GRIP1: variants seen among roughly 807,000 people sequenced by gnomAD.
GRIP1 encodes glutamate receptor-interacting protein 1.
Under a neutral mutation model 129.9 loss-of-function variants are expected in GRIP1, and 45 were observed. The observed-to-expected ratio is 0.35, with a 90% CI of 0.27 to 0.44. The LOEUF (loss-of-function observed/expected upper bound fraction) is 0.44, where lower values mean the gene tolerates loss of function less well. GRIP1 is among the 20% of genes least tolerant of loss of function. The pLI is 1.00. For missense variants in GRIP1, 1,196 were observed against 1,396.8 expected, an observed-to-expected ratio of 0.86 and a Z score of 2.29; for synonymous variants, 530 against 520.8, an observed-to-expected ratio of 1.02 and a Z score of -0.24.
At chr12:66,492,411 A>G (rs1000679446) in intron 7 of GRIP1, among the ~76,000 whole-genome samples, 1 of 152,146 alleles carries the variant, frequency 6.6e-6, no homozygotes, top group Non-Finnish European at 1.5e-5. Flanking sequence ...TTTTTTTAAT[A>G]AAAAGAACAA....
At chr12:66,353,676 A>T in intron 23 of GRIP1, 113 bp from the exon 24 acceptor site, 1 of 933,590 alleles carries the variant, frequency 1.1e-6, no homozygotes. Flanking sequence ...GATTTGTAAT[A>T]TCAGCATCAG....
At chr12:66,598,053 T>G (rs981129229) in intron 1 of GRIP1, among the ~76,000 whole-genome samples, 3 of 152,208 alleles carry the variant, frequency 2.0e-5, no homozygotes, top group Admixed American at 1.3e-4. Flanking sequence ...CATTTTATAA[T>G]AGCAGGAAAT....
intron 1 of GRIP1, among the ~76,000 whole-genome samples, chr12:66,993,113 C>A (rs1451534971): frequency 1.5e-4 from 21 of 144,758 alleles, no homozygotes; most frequent in Non-Finnish European, 1.5e-4. Context: ...GACCCTGTCT[C>A]AAAAAAAAAA....
chr12:66,997,398 C>T, intron 1 of GRIP1, among the ~76,000 whole-genome samples: 1 of 152,018 alleles, frequency 6.6e-6, no homozygotes, highest in East Asian at 1.9e-4. Flanking sequence ...GGGAAACAAA[C>T]AAAGTGAAAC....
intron 19 of GRIP1, among the ~76,000 whole-genome samples, chr12:66,384,163 G>T (rs2056251095): frequency 6.6e-6 from 1 of 152,160 alleles, no homozygotes; most frequent in African/African-American, 2.4e-5. Context: ...TTCAGTTATG[G>T]TTTGCTGTGT....
At chr12:66,651,896 A>C (rs2032821652) in intron 1 of GRIP1, among the ~76,000 whole-genome samples, 1 of 152,096 alleles carries the variant, frequency 6.6e-6, no homozygotes. Flanking sequence ...GCCCAGATCC[A>C]TTTCCTACCA....
At chr12:67,030,578 TCCC>T (rs1461501242) in intron 1 of GRIP1, among the ~76,000 whole-genome samples, 3 of 152,110 alleles carry the variant, frequency 2.0e-5, no homozygotes, top group Non-Finnish European at 4.4e-5. Context: ...TTCCACTATT[TCCC>T]ATACTCCCTC....
chr12:66,604,054 A>G (rs762656013), intron 1 of GRIP1, among the ~76,000 whole-genome samples: 1 of 152,150 alleles, frequency 6.6e-6, no homozygotes, highest in Non-Finnish European at 1.5e-5. Flanking sequence ...GTCTCCTTAA[A>G]TTCTTCCTCC....
chr12:67,037,002 A>G (rs1294564338), intron 1 of GRIP1, among the ~76,000 whole-genome samples: 1 of 152,164 alleles, frequency 6.6e-6, no homozygotes, highest in Non-Finnish European at 1.5e-5. Context: ...ATACACATGC[A>G]TACTTAAATA....
intron 1 of GRIP1, among the ~76,000 whole-genome samples, chr12:66,798,381 G>A (rs961515898): frequency 1.3e-5 from 2 of 152,068 alleles, no homozygotes; most frequent in African/African-American, 4.8e-5. Flanking sequence ...TAGAGTCTAT[G>A]TTTATTTGGG....
At chr12:66,606,431 T>A (rs966341322) in intron 1 of GRIP1, among the ~76,000 whole-genome samples, 1 of 152,310 alleles carries the variant, frequency 6.6e-6, no homozygotes, top group East Asian at 1.9e-4. Context: ...CTTAGAGATC[T>A]GTTATTTCAT....
intron 1 of GRIP1, among the ~76,000 whole-genome samples, chr12:66,940,311 C>T (rs986396165): frequency 1.4e-4 from 21 of 152,098 alleles, no homozygotes; most frequent in African/African-American, 5.1e-4. Flanking sequence ...ACCAAGATAA[C>T]AGGGATAATA....
intron 1 of GRIP1, among the ~76,000 whole-genome samples, chr12:67,007,717 A>G (rs562993868): frequency 6.6e-6 from 1 of 152,254 alleles, no homozygotes; most frequent in East Asian, 1.9e-4. Flanking sequence ...CCCTGCCACC[A>G]CAGGAAAATC....
chr12:66,812,028 G>C (rs1026740833), intron 1 of GRIP1, among the ~76,000 whole-genome samples: 1 of 151,850 alleles, frequency 6.6e-6, no homozygotes, highest in African/African-American at 2.4e-5. Flanking sequence ...AACTTATTTG[G>C]GTTAATAGCA....
chr12:66,448,991 T>C (rs564592823), intron 11 of GRIP1, among the ~76,000 whole-genome samples: 2 of 152,378 alleles, frequency 1.3e-5, no homozygotes, highest in African/African-American at 4.8e-5. Flanking sequence ...ATGTGCCATG[T>C]GCCCCAACCC....
chr12:66,382,105 G>T (rs2056137206), intron 19 of GRIP1, among the ~76,000 whole-genome samples: 1 of 152,184 alleles, frequency 6.6e-6, no homozygotes, highest in Admixed American at 6.5e-5. Flanking sequence ...TGGGCATGGT[G>T]GCGCATGCCA....
At chr12:66,358,232 T>C (rs543493615) in intron 23 of GRIP1, among the ~76,000 whole-genome samples, 9 of 152,256 alleles carry the variant, frequency 5.9e-5, no homozygotes, top group African/African-American at 1.9e-4. Flanking sequence ...TATTATTCTT[T>C]TGGATGCTCA....
At chr12:66,717,448 G>C (rs1481627297) in intron 1 of GRIP1, among the ~76,000 whole-genome samples, 1 of 151,230 alleles carries the variant, frequency 6.6e-6, no homozygotes, top group East Asian at 1.9e-4. Flanking sequence ...GAAAATGTAC[G>C]CATCTGATGT....
At chr12:66,629,629 G>A (rs758984327) in intron 1 of GRIP1, among the ~76,000 whole-genome samples, 6 of 152,190 alleles carry the variant, frequency 3.9e-5, no homozygotes, top group African/African-American at 1.2e-4. Context: ...GGAAAAGAAC[G>A]TGGTTAATTA....
Sources: allele counts gnomAD v4.1 joint callset (sites outside exome capture counted in the v4.1 genomes callset), GRCh38; gene constraint gnomAD v4.1.1; transcripts MANE v1.5; gene names NCBI Gene and HGNC (gene_info 2026-07-23, HGNC 2026-07-21).